The following PTPRO variants were observed in gnomAD, a reference collection of about 807,000 sequenced individuals.
PTPRO encodes the protein receptor-type tyrosine-protein phosphatase O.
In PTPRO, 62 loss-of-function variants were observed where a neutral mutation model predicts 145.2. That is an observed-to-expected ratio of 0.43 (90% CI 0.35 to 0.53). The LOEUF (loss-of-function observed/expected upper bound fraction) is 0.53, where lower values mean the gene tolerates loss of function less well. PTPRO is among the 20% of genes least tolerant of loss of function. The pLI is 0.01. For missense variants in PTPRO, 1,345 were observed against 1,482.7 expected, an observed-to-expected ratio of 0.91 and a Z score of 1.53; for synonymous variants, 565 against 514.7, an observed-to-expected ratio of 1.10 and a Z score of -1.32.
chr12:15,453,982 T>C (rs959099871), intron 1 of PTPRO, among the ~76,000 whole-genome samples: 2 of 152,242 alleles, frequency 1.3e-5, no homozygotes, highest in African/African-American at 4.8e-5. Flanking sequence ...CATCCATCAG[T>C]GGACATTTCA....
intron 12 of PTPRO, among the ~76,000 whole-genome samples, chr12:15,530,441 C>T (rs1300460493): frequency 6.6e-6 from 1 of 152,144 alleles, no homozygotes; most frequent in Non-Finnish European, 1.5e-5. Flanking sequence ...TTTCACTGCA[C>T]ATGGAACATT....
chr12:15,499,385 G>A, intron 3 of PTPRO, 57 bp from the exon 4 acceptor site: 1 of 1,527,874 alleles, frequency 6.5e-7, no homozygotes, highest in South Asian at 1.1e-5. Context: ...AAACTTTCCA[G>A]AAGTGTGTGA....
At position 15,340,349 on chromosome 12, in the gene PTPRO, C is replaced by T. The variant is rs149236966; in HGVS notation, c.75+17548C>T. On this transcript the variant is annotated intron_variant, in intron 1 of 26. Coordinates refer to ENST00000281171, the MANE Select transcript of PTPRO (RefSeq NM_030667.3). ...CCACTTCTTCCTCTTCCTCTTACTA[C>T]GGAAATATCTCGAGACACAGGTGAC... 1.1e-3 allele frequency among the ~76,000 whole-genome samples: 168 copies of T among 152,192 alleles called. 1 individual carries two copies. The highest frequency in any genetic ancestry group is 3.2e-3 in the African/African-American group (132 of 41,526).
At position 15,455,804 on chromosome 12, in the gene PTPRO, G is replaced by A. The variant is rs566695355; in HGVS notation, c.76-28170G>A. On this transcript the variant is annotated intron_variant, in intron 1 of 26. Coordinates refer to ENST00000281171, the MANE Select transcript of PTPRO (RefSeq NM_030667.3). The stretch of plus-strand genomic sequence containing the variant: ...ATATCAGGTAATGTCATCTGCAAAC[G>A]GGGACAATTTGACGTCCTCTTTTTC... 2.6e-5 allele frequency among the ~76,000 whole-genome samples: 4 copies of A among 152,172 alleles called. 1 individual carries two copies. Among genetic ancestry groups the A allele is most frequent in the African/African-American group, 4.8e-5 (2 of 41,514 alleles).
At chr12:15,555,591 A>T (rs955810648) in intron 15 of PTPRO, among the ~76,000 whole-genome samples, 1 of 152,226 alleles carries the variant, frequency 6.6e-6, no homozygotes, top group African/African-American at 2.4e-5. Context: ...AGCTCATAAT[A>T]GTAATGGTGG....
chr12:15,548,508 GTA>G (rs1338300747), intron 13 of PTPRO, among the ~76,000 whole-genome samples: 2 of 149,136 alleles, frequency 1.3e-5, no homozygotes, highest in Non-Finnish European at 3.0e-5. Context: ...TATATTGTGT[GTA>G]TATATGTGTG....
chr12:15,497,396 A>G lies in PTPRO; in HGVS notation c.501A>G (p.Leu167=). The G allele has an allele frequency of 6.2e-7, 1 of 1,613,310 alleles. No homozygotes were observed. Among genetic ancestry groups the G allele is most frequent in the South Asian group, 1.1e-5 (1 of 91,068 alleles). ...AAGGTAAAGACTTCCGGACAATGCT[A>G]TATAAAGGTAAGCAGCAAAAGGAAA... ...YWEGKDFRTM[L]YKDFFKGKTV... The change falls in exon 3 of 27, where the codon CTA becomes CTG. Residue 167 remains leucine, a synonymous_variant. Transcript: ENST00000281171.
intron 12 of PTPRO, among the ~76,000 whole-genome samples, chr12:15,531,609 C>T (rs935206951): frequency 2.0e-5 from 3 of 152,202 alleles, no homozygotes; most frequent in Admixed American, 1.3e-4. Context: ...TATAGGGAAA[C>T]TCGAAGACAG....
chr12:15,597,428 C>T lies in PTPRO; in HGVS notation c.*1355C>T, dbSNP rs1416363116. The T allele has an allele frequency of 1.3e-5, 2 of 152,206 alleles. No individual in the cohort carries two copies. The highest frequency in any genetic ancestry group is 6.5e-5 in the Admixed American group (1 of 15,284). 9.4% of individuals were successfully genotyped at this position (152,206 alleles called of 1,614,324 possible). ...TTGTGAGCCTCCGTGTGTGTGCTTC[C>T]AGGAGGCTTTGCTCCTCTTCATGCA... On this transcript the variant is annotated 3_prime_UTR_variant, in exon 27 of 27. Transcript: ENST00000281171.
intron 11 of PTPRO, 37 bp downstream of exon 11, chr12:15,525,002 A>C (rs986021487): frequency 2.5e-6 from 4 of 1,609,554 alleles, no homozygotes; most frequent in South Asian, 2.2e-5. Context: ...TGTGTCTGTA[A>C]ATTTAGTTTT....
chr12:15,369,017 C>G (rs1469386317), intron 1 of PTPRO, among the ~76,000 whole-genome samples: 1 of 152,048 alleles, frequency 6.6e-6, no homozygotes, highest in Non-Finnish European at 1.5e-5. Flanking sequence ...ACTGAGGAAG[C>G]CTGTTAGATG....
At chr12:15,525,423 A>T (rs1942817432) in intron 11 of PTPRO, among the ~76,000 whole-genome samples, 1 of 152,184 alleles carries the variant, frequency 6.6e-6, no homozygotes, top group African/African-American at 2.4e-5. Flanking sequence ...GCTCAAACAA[A>T]ATAGAAGTTT....
At chr12:15,523,801 G>A (rs894921814) in intron 10 of PTPRO, among the ~76,000 whole-genome samples, 1 of 151,030 alleles carries the variant, frequency 6.6e-6, no homozygotes, top group Non-Finnish European at 1.5e-5. Context: ...TAAAATAAAA[G>A]TAATTTTTTT....
rs969994245 is a variant in PTPRO at position 15,549,279 on chromosome 12, A to G, written c.2437+53A>G. On this transcript the variant is annotated intron_variant, in intron 14 of 26. Transcript: ENST00000281171. ...TCTCACTTTTTTTGAATATATATATATATATGTATTTGTATCAATATTCCA... is the reference window on the plus strand; with the variant it reads ...TCTCACTTTTTTTGAATATATATATGTATATGTATTTGTATCAATATTCCA... 1.5e-5 allele frequency: 20 copies of G among 1,324,138 alleles called. No homozygotes were observed. The Admixed American group carries it at 4.9e-4, about 32-fold the overall frequency. 82.0% of individuals were successfully genotyped at this position (1,324,138 alleles called of 1,614,324 possible).
rs531590020 is a variant in PTPRO, at chr12:15,333,545, G to T, written c.75+10744G>T. On this transcript the variant is annotated intron_variant, in intron 1 of 26. Coordinates refer to ENST00000281171, the MANE Select transcript of PTPRO (RefSeq NM_030667.3). Reference sequence around the variant, plus strand: ...TGGAGTGAGGGAGGTCAAATGGAAGGTATGGGACAGACTCGAGACAGAGGA... The same window carrying T: ...TGGAGTGAGGGAGGTCAAATGGAAGTTATGGGACAGACTCGAGACAGAGGA... 2.6e-5 allele frequency among the ~76,000 whole-genome samples: 4 copies of T among 152,334 alleles called. No homozygotes were observed. In the East Asian group the frequency reaches 7.7e-4, roughly 29 times the overall value.
intron 4 of PTPRO, 29 bp from the exon 5 acceptor site, chr12:15,501,591 C>T (rs1274560524): frequency 3.8e-6 from 6 of 1,576,670 alleles, no homozygotes; most frequent in Non-Finnish European, 5.2e-6. Flanking sequence ...TTAAAAAATA[C>T]TTGAAAATGA....
In PTPRO at chr12:15,322,587, G is replaced by T. The variant is rs562875174; in HGVS notation, c.-140G>T. 1.7e-4 allele frequency: 121 copies of T among 728,988 alleles called. 1 individual carries two copies. The South Asian group carries it at 1.8e-3, about 11-fold the overall frequency. 45.2% of individuals were successfully genotyped at this position (728,988 alleles called of 1,614,324 possible). On this transcript the variant is annotated 5_prime_UTR_variant, in exon 1 of 27. Transcript: ENST00000281171. This position sits in a 1 kb window ranked among gnomAD's most constrained non-coding sequence, Gnocchi z 6.3. ...GGAGGAAAGGGAGCAGGCGCAGGGG[G>T]ACTGGAAAGGCAGCATGCGCTCGCC...
At chr12:15,358,090 C>T (rs192118728) in intron 1 of PTPRO, among the ~76,000 whole-genome samples, 2 of 151,530 alleles carry the variant, frequency 1.3e-5, no homozygotes, top group Admixed American at 6.6e-5. Flanking sequence ...TTTGTAGGGA[C>T]ATGGATGAAA....
intron 10 of PTPRO, among the ~76,000 whole-genome samples, chr12:15,520,560 T>TCA (rs1169227495): frequency 8.5e-5 from 13 of 152,232 alleles, no homozygotes; most frequent in Non-Finnish European, 1.9e-4. Flanking sequence ...TGACCTTGAT[T>TCA]AATGTACTCT....
Sources: allele counts gnomAD v4.1 joint callset (sites outside exome capture counted in the v4.1 genomes callset), GRCh38; gene constraint gnomAD v4.1.1; non-coding constraint Gnocchi (gnomAD v3.1); transcripts MANE v1.5; gene names NCBI Gene and HGNC (gene_info 2026-07-23, HGNC 2026-07-21).